Variants in SEPTIN9 observed in about 807,000 individuals in gnomAD.
SEPTIN9 encodes septin 9, also known as septin-9.
SEPTIN9 carries 13 observed loss-of-function variants against 56.6 expected under a neutral mutation model. The observed-to-expected ratio is 0.23, with a 90% CI of 0.15 to 0.37. The LOEUF (loss-of-function observed/expected upper bound fraction) is 0.37. Among genes scored for constraint, SEPTIN9 ranks in the 10% least tolerant of loss-of-function variants. The probability of loss-of-function intolerance (pLI) is 1.00; values close to 1 mark genes in which losing one functional copy is unlikely to be tolerated. For synonymous variants in SEPTIN9, 332 were observed against 334.1 expected, an observed-to-expected ratio of 0.99 and a Z score of 0.07; for missense variants, 650 against 823.1, an observed-to-expected ratio of 0.79 and a Z score of 2.57.
In SEPTIN9 at chr17:77,431,479, C is replaced by G. The variant is rs182862125; in HGVS notation, c.721+28776C>G. Among the ~76,000 whole-genome samples, 10 of 152,270 alleles carry G rather than the reference C, an allele frequency of 6.6e-5. No individual in the cohort carries two copies. The East Asian group carries it at 1.2e-3, about 18-fold the overall frequency. On this transcript the variant is annotated intron_variant, in intron 3 of 11. Transcript: ENST00000427177. ...GTTCACGTTTCCTTCTAGTCTTTTT[C>G]TACATAGACACTCAATACTTATTAA...
chr17:77,382,780 C>T (rs1012112815), intron 2 of SEPTIN9, among the ~76,000 whole-genome samples: 7 of 152,148 alleles, frequency 4.6e-5, no homozygotes, highest in East Asian at 1.9e-4. Flanking sequence ...ATCCTTCATT[C>T]GCACCTTTGC....
intron 2 of SEPTIN9, among the ~76,000 whole-genome samples, chr17:77,357,020 A>G (rs2627208): frequency 0.5 from 75,508 of 151,368 alleles, 19,053 homozygotes; most frequent in East Asian, 0.78. Context: ...GTCCAGAAGC[A>G]TCAACCTGGT....
In SEPTIN9 at chr17:77,429,522, C is replaced by T. The variant is rs567491305; in HGVS notation, c.721+26819C>T. On this transcript the variant is annotated intron_variant, in intron 3 of 11. Transcript: ENST00000427177. The surrounding 1 kb of genome is among the most constrained non-coding windows in gnomAD (Gnocchi z 5.2). ...CCAACAGTTCGGTGGGGAGAGGAGG[C>T]GCAAGGCTGGTTCCTGTTTTCTGGG... 6.6e-5 allele frequency among the ~76,000 whole-genome samples: 10 copies of T among 152,252 alleles called. 1 individual carries two copies. The highest frequency in any genetic ancestry group is 2.1e-4 in the South Asian group (1 of 4,826).
intron 2 of SEPTIN9, among the ~76,000 whole-genome samples, chr17:77,309,685 AG>A (rs1366580722): frequency 1.3e-5 from 2 of 151,970 alleles, no homozygotes; most frequent in African/African-American, 2.4e-5. Context: ...TTCTGGCAAA[AG>A]CTTAAATGAC....
chr17:77,350,893 G>C (rs1431569515), intron 2 of SEPTIN9, among the ~76,000 whole-genome samples: 1 of 152,136 alleles, frequency 6.6e-6, no homozygotes, highest in Non-Finnish European at 1.5e-5. Context: ...CATGAAGCCT[G>C]AGGACCCTGC....
At position 77,330,830 on chromosome 17, in the gene SEPTIN9, A is replaced by T. The variant is rs563854746; in HGVS notation, c.76+23633A>T. Among the ~76,000 whole-genome samples, 36 of 152,242 alleles carry T rather than the reference A, an allele frequency of 2.4e-4. No individual in the cohort carries two copies. The highest frequency in any genetic ancestry group is 8.2e-4 in the African/African-American group (34 of 41,544). Reference sequence around the variant, plus strand: ...TCCTCAGAGTTGCACTGTCTCCTTCACTGTCCCTGCCTGGCCCCAGTGCTC... The same window carrying T: ...TCCTCAGAGTTGCACTGTCTCCTTCTCTGTCCCTGCCTGGCCCCAGTGCTC... On this transcript the variant is annotated intron_variant, in intron 2 of 11. Transcript: ENST00000427177. The surrounding 1 kb of genome is among the most constrained non-coding windows in gnomAD (Gnocchi z 4.4).
intron 2 of SEPTIN9, among the ~76,000 whole-genome samples, chr17:77,356,775 G>A (rs2143831308): frequency 7.3e-6 from 1 of 137,588 alleles, no homozygotes; most frequent in Middle Eastern, 3.5e-3. Context: ...ACTCAGGCCT[G>A]GAAAGGGTGG....
At position 77,436,816 on chromosome 17, in the gene SEPTIN9, A is replaced by G. The variant is rs1178003668; in HGVS notation, c.721+34113A>G. Among the ~76,000 whole-genome samples the G allele has an allele frequency of 6.6e-6, 1 of 152,234 alleles. No homozygotes were observed. The highest frequency in any genetic ancestry group is 1.5e-5 in the Non-Finnish European group (1 of 68,046). On this transcript the variant is annotated intron_variant, in intron 3 of 11. Coordinates refer to ENST00000427177, the MANE Select transcript of SEPTIN9 (RefSeq NM_001113491.2). The surrounding 1 kb of genome is among the most constrained non-coding windows in gnomAD (Gnocchi z 4.4). ...CATTCTGGCCCTGGTAAGGACACCCAGGAGAGGGCCAGGGTGCCTGTATTT... is the reference window on the plus strand; with the variant it reads ...CATTCTGGCCCTGGTAAGGACACCCGGGAGAGGGCCAGGGTGCCTGTATTT...
intron 2 of SEPTIN9, among the ~76,000 whole-genome samples, chr17:77,334,113 C>T (rs565472713): frequency 6.6e-6 from 1 of 151,924 alleles, no homozygotes; most frequent in African/African-American, 2.4e-5. Flanking sequence ...TGACTGTTTC[C>T]CCATGGGTCT....
At chr17:77,454,689 C>CTCCTCCTT (rs1376348971) in intron 3 of SEPTIN9, among the ~76,000 whole-genome samples, 1 of 152,212 alleles carries the variant, frequency 6.6e-6, no homozygotes, top group South Asian at 2.1e-4. Context: ...TCAAACTCGC[C>CTCCTCCTT]GCCGCTCAGC....
intron 3 of SEPTIN9, among the ~76,000 whole-genome samples, chr17:77,444,156 G>A (rs1365156232): frequency 6.6e-6 from 1 of 152,220 alleles, no homozygotes; most frequent in Non-Finnish European, 1.5e-5. Context: ...TTAGACAGGA[G>A]TGGGAATTCA....
At position 77,330,902 on chromosome 17, in the gene SEPTIN9, C is replaced by G. The variant is rs1287329046; in HGVS notation, c.76+23705C>G. Among the ~76,000 whole-genome samples the G allele has an allele frequency of 6.6e-6, 1 of 152,240 alleles. No individual in the cohort carries two copies. Among genetic ancestry groups the G allele is most frequent in the African/African-American group, 2.4e-5 (1 of 41,456 alleles). ...CTGGGCTTGGTCTCCCGCAATTCAC[C>G]CTGCCCAGCCCCACACAGCTTGTCC... On this transcript the variant is annotated intron_variant, in intron 2 of 11. Transcript: ENST00000427177. The surrounding 1 kb of genome is among the most constrained non-coding windows in gnomAD (Gnocchi z 4.4).
rs1476192539 is a variant in SEPTIN9, at chr17:77,421,433, AG to A, written c.721+18732del. On this transcript the variant is annotated intron_variant, in intron 3 of 11. Coordinates refer to ENST00000427177, the MANE Select transcript of SEPTIN9 (RefSeq NM_001113491.2). The surrounding 1 kb of genome is among the most constrained non-coding windows in gnomAD (Gnocchi z 4.6). ...GCTGGATGCTGCTGGGAAAGTCAAC[AG>A]GAAGTCTTTTGGCTGCGGTGGAGGT... Among the ~76,000 whole-genome samples, 1 of 152,062 alleles carries A rather than the reference AG, an allele frequency of 6.6e-6. No individual in the cohort carries two copies. The highest frequency in any genetic ancestry group is 1.9e-4 in the East Asian group (1 of 5,182).
In SEPTIN9 at chr17:77,436,197, C is replaced by T. The variant is rs2037330862; in HGVS notation, c.721+33494C>T. 6.6e-6 allele frequency among the ~76,000 whole-genome samples: 1 copy of T among 152,276 alleles called. No individual in the cohort carries two copies. The highest frequency in any genetic ancestry group is 1.9e-4 in the East Asian group (1 of 5,172). On this transcript the variant is annotated intron_variant, in intron 3 of 11. Coordinates refer to ENST00000427177, the MANE Select transcript of SEPTIN9 (RefSeq NM_001113491.2). The surrounding 1 kb of genome is among the most constrained non-coding windows in gnomAD (Gnocchi z 4.4). ...AAAGAGTTAATGGTGGATCCCATTT[C>T]CTCAGCCCCCTCTCCAGCTTTCCCA...
rs773550651 is a variant in SEPTIN9, at chr17:77,499,390, G to A, written c.*732G>A. Reference sequence around the variant, plus strand: ...GCCATCCCCCTCTCACGCCACCCCCGCCCCCACCGGGCTGCAGGTGCTGCT... The same window carrying A: ...GCCATCCCCCTCTCACGCCACCCCCACCCCCACCGGGCTGCAGGTGCTGCT... On this transcript the variant is annotated 3_prime_UTR_variant, in exon 12 of 12. Transcript: ENST00000427177. 9.1e-6 allele frequency: 5 copies of A among 547,978 alleles called. No homozygotes were observed. Among genetic ancestry groups the A allele is most frequent in the Admixed American group, 4.3e-5 (2 of 46,214 alleles). 33.9% of individuals were successfully genotyped at this position (547,978 alleles called of 1,614,324 possible).
chr17:77,380,852 C>G (rs1240151470), intron 2 of SEPTIN9, among the ~76,000 whole-genome samples: 1 of 152,218 alleles, frequency 6.6e-6, no homozygotes, highest in Admixed American at 6.5e-5. Flanking sequence ...GGGGAGTAGG[C>G]CGTTGTCTCG....
chr17:77,288,522 C>T (rs1218899830), intron 1 of SEPTIN9, among the ~76,000 whole-genome samples: 1 of 152,178 alleles, frequency 6.6e-6, no homozygotes, highest in East Asian at 1.9e-4. Flanking sequence ...GGGCCTTGTT[C>T]CGCAGATCAA....
intron 6 of SEPTIN9, 136 bp downstream of exon 6, chr17:77,488,457 C>A: frequency 1.1e-6 from 1 of 884,716 alleles, no homozygotes; most frequent in Non-Finnish European, 1.8e-6. Context: ...GCTGCCAAAG[C>A]CGCACGTCTC....
chr17:77,430,508 C>G (rs576713029), intron 3 of SEPTIN9, among the ~76,000 whole-genome samples: 1 of 152,146 alleles, frequency 6.6e-6, no homozygotes, highest in Non-Finnish European at 1.5e-5. Context: ...GAAGTGACCT[C>G]ATAGCAAGGG....
Sources: allele counts gnomAD v4.1 joint callset (sites outside exome capture counted in the v4.1 genomes callset), GRCh38; gene constraint gnomAD v4.1.1; non-coding constraint Gnocchi (gnomAD v3.1); transcripts MANE v1.5; gene names NCBI Gene and HGNC (gene_info 2026-07-23, HGNC 2026-07-21).